The following ZNF157 variants were observed in gnomAD, a reference collection of about 807,000 sequenced individuals.
The protein encoded by ZNF157 is zinc finger protein 157.
In ZNF157, 8 loss-of-function variants were observed where a neutral mutation model predicts 9.4. That is an observed-to-expected ratio of 0.85 (90% CI 0.50 to 1.53). The LOEUF (loss-of-function observed/expected upper bound fraction) is 1.53. Among genes scored for constraint, ZNF157 ranks in the 40% most tolerant of loss-of-function variants. The pLI is 0.00. For missense variants in ZNF157, 316 were observed against 385.2 expected, an observed-to-expected ratio of 0.82 and a Z score of 1.50; for synonymous variants, 120 against 130.8, an observed-to-expected ratio of 0.92 and a Z score of 0.56.
intron 1 of ZNF157, among the ~76,000 whole-genome samples, chrX:47,406,406 C>G (rs1042923539): frequency 9.1e-6 from 1 of 110,443 alleles, no homozygotes; most frequent in Non-Finnish European, 1.9e-5. Flanking sequence ...CAGAGTCTCA[C>G]TCTGTCACCC....
chrX:47,413,216 A>AG lies in ZNF157; in HGVS notation c.1145dup (p.Glu383ArgfsTer7). Reference sequence around the variant, plus strand: ...TTGGGATCCATCAGAGAATTCACACAGGAGAGAAACCTTACGAATGTAATG... The same window carrying AG: ...TTGGGATCCATCAGAGAATTCACACAGGGAGAGAAACCTTACGAATGTAATG... On this transcript the variant is annotated frameshift_variant, in exon 4 of 4. Coordinates refer to ENST00000377073, the MANE Select transcript of ZNF157 (RefSeq NM_003446.4). LOFTEE classifies it low-confidence loss of function (END_TRUNC). 5 of 1,212,123 alleles carry AG rather than the reference A, an allele frequency of 4.1e-6. No individual in the cohort carries two copies. Among genetic ancestry groups the AG allele is most frequent in the Non-Finnish European group, 5.6e-6 (5 of 895,484 alleles).
At chrX:47,401,532 A>G (rs2055930325) in intron 1 of ZNF157, among the ~76,000 whole-genome samples, 1 of 111,869 alleles carries the variant, frequency 8.9e-6, no homozygotes, top group Non-Finnish European at 1.9e-5. Context: ...CTGATTAGGT[A>G]CTGTGTTTCT....
At chrX:47,404,628 C>G (rs2055941356) in intron 1 of ZNF157, among the ~76,000 whole-genome samples, 1 of 110,810 alleles carries the variant, frequency 9.0e-6, no homozygotes, top group African/African-American at 3.3e-5. Context: ...TAGAAAAAAG[C>G]CTGCATTATC....
At chrX:47,410,569 TA>T (rs1420793095) in intron 2 of ZNF157, 110 bp from the exon 3 acceptor site, 10 of 941,771 alleles carry the variant, frequency 1.1e-5, no homozygotes, top group Non-Finnish European at 1.5e-5. Context: ...ATGAAAGGTT[TA>T]AATGGGCCCC....
chrX:47,373,334 G>A (rs2055834290), intron 1 of ZNF157, among the ~76,000 whole-genome samples: 1 of 111,855 alleles, frequency 8.9e-6, no homozygotes, highest in Non-Finnish European at 1.9e-5. Flanking sequence ...AAGAAAGGCA[G>A]ATTTATTAGA....
intron 1 of ZNF157, among the ~76,000 whole-genome samples, chrX:47,408,243 G>A (rs1399349556): frequency 6.3e-5 from 7 of 110,977 alleles, no homozygotes; most frequent in Non-Finnish European, 1.3e-4. Context: ...CTGAGTAGCT[G>A]GGATTACAGG....
Position 47,413,384 on chromosome X carries a change from A to T in ZNF157, c.1311A>T (p.Thr437=). 1 of 1,212,096 alleles carries T rather than the reference A, an allele frequency of 8.3e-7. No homozygotes were observed. Among genetic ancestry groups the T allele is most frequent in the Non-Finnish European group, 1.1e-6 (1 of 895,542 alleles). Residue 437 remains threonine (T), a synonymous_variant, in exon 4 of 4, where the codon ACA becomes ACT. Transcript: ENST00000377073. ...KSLCQHRRTH[T]GEKPYECSEC... Reference sequence around the variant, plus strand: ...TTTGTCAACACCGGAGAACTCACACAGGAGAGAAACCTTATGAATGTAGTG... The same window carrying T: ...TTTGTCAACACCGGAGAACTCACACTGGAGAGAAACCTTATGAATGTAGTG...
chrX:47,398,252 C>T (rs1422967090), intron 1 of ZNF157, among the ~76,000 whole-genome samples: 1 of 111,319 alleles, frequency 9.0e-6, no homozygotes, highest in Non-Finnish European at 1.9e-5. Flanking sequence ...CAGGACATTG[C>T]CCCAGCCCAG....
At chrX:47,406,858 G>A (rs1040238155) in intron 1 of ZNF157, among the ~76,000 whole-genome samples, 2 of 112,297 alleles carry the variant, frequency 1.8e-5, no homozygotes, top group Non-Finnish European at 3.8e-5. Context: ...TTTCACTAAA[G>A]TAGGACTTTG....
chrX:47,381,315 T>TGA (rs769305711), intron 1 of ZNF157, among the ~76,000 whole-genome samples: 7 of 110,936 alleles, frequency 6.3e-5, no homozygotes, highest in Middle Eastern at 4.7e-3. Flanking sequence ...TGGTGGGGTT[T>TGA]GAGGGGGGGT....
intron 1 of ZNF157, among the ~76,000 whole-genome samples, chrX:47,379,328 G>A (rs1381579351): frequency 9.1e-6 from 1 of 109,294 alleles, no homozygotes; most frequent in African/African-American, 3.3e-5. Flanking sequence ...CAAACCCAAG[G>A]TTACTTGGAT....
intron 1 of ZNF157, among the ~76,000 whole-genome samples, chrX:47,388,371 A>G (rs1602764233): frequency 9.3e-6 from 1 of 108,098 alleles, no homozygotes; most frequent in Admixed American, 1.0e-4. Flanking sequence ...GGCCTGAGCC[A>G]CTGTGCCTGG....
chrX:47,375,697 C>CT (rs59526891), intron 1 of ZNF157, among the ~76,000 whole-genome samples: 3,425 of 96,495 alleles, frequency 0.035, 185 homozygotes, highest in African/African-American at 0.12. Flanking sequence ...GTAGTTTTGC[C>CT]TTTTTTTTTT....
In ZNF157 at chrX:47,399,565, C is replaced by T. The variant is rs1047842260; in HGVS notation, c.73-10711C>T. 9.8e-5 allele frequency among the ~76,000 whole-genome samples: 11 copies of T among 112,049 alleles called. No homozygotes were observed. The East Asian group carries it at 2.0e-3, about 20-fold the overall frequency. ...ATCTCTCAGAAAAGTGGAGGAATCT[C>T]GGAATCTATCTAGCAAGAATGTTCC... On this transcript the variant is annotated intron_variant, in intron 1 of 3. Transcript: ENST00000377073.
chrX:47,378,312 G>A (rs2055851247), intron 1 of ZNF157, among the ~76,000 whole-genome samples: 1 of 111,403 alleles, frequency 9.0e-6, no homozygotes, highest in Non-Finnish European at 1.9e-5. Flanking sequence ...TAAGTGCAGA[G>A]TCTGCAAAAT....
chrX:47,406,086 ATAT>A (rs910093350), intron 1 of ZNF157, among the ~76,000 whole-genome samples: 5 of 108,524 alleles, frequency 4.6e-5, no homozygotes, highest in Admixed American at 1.0e-4. Context: ...TTTATTAAAA[ATAT>A]TATTATTATT....
chrX:47,399,862 G>A (rs1027709376), intron 1 of ZNF157, among the ~76,000 whole-genome samples: 2 of 110,815 alleles, frequency 1.8e-5, no homozygotes, highest in African/African-American at 3.3e-5. Context: ...GGAATTTTTG[G>A]TAGAGATGTG....
intron 1 of ZNF157, among the ~76,000 whole-genome samples, chrX:47,387,571 A>T (rs2055883428): frequency 9.1e-6 from 1 of 110,365 alleles, no homozygotes; most frequent in Non-Finnish European, 1.9e-5. Flanking sequence ...AGTCTTGCTT[A>T]ATCTGTATAT....
chrX:47,381,190 G>A (rs2055862306), intron 1 of ZNF157, among the ~76,000 whole-genome samples: 1 of 105,909 alleles, frequency 9.4e-6, no homozygotes, highest in Non-Finnish European at 1.9e-5. Flanking sequence ...GAAAGAGCAG[G>A]AGGAGGAGAA....
Sources: allele counts gnomAD v4.1 joint callset (sites outside exome capture counted in the v4.1 genomes callset), GRCh38; gene constraint gnomAD v4.1.1; transcripts MANE v1.5; gene names NCBI Gene and HGNC (gene_info 2026-07-23, HGNC 2026-07-21).